ABCA4: variants seen among roughly 807,000 people sequenced by gnomAD.
ABCA4 encodes the protein retinal-specific phospholipid-transporting ATPase ABCA4.
A neutral mutation model predicts 263.7 loss-of-function variants in ABCA4; 196 were observed. That is an observed-to-expected ratio of 0.74 (90% CI 0.66 to 0.84). The LOEUF is 0.84. ABCA4 is among the 40% of genes least tolerant of loss of function. ABCA4 has a pLI of 0.00. For synonymous variants in ABCA4, 1,133 were observed against 1,094.2 expected (o/e 1.04, Z -0.70); for missense variants, 2,792 against 2,855.1 (o/e 0.98, Z 0.50).
At position 94,080,671 on chromosome 1, in the gene ABCA4, G is replaced by A. The variant is rs952043060; in HGVS notation, c.906C>T (p.Pro302=). The A allele has an allele frequency of 6.8e-6, 11 of 1,614,160 alleles. No individual in the cohort carries two copies. Among genetic ancestry groups the A allele is most frequent in the African/African-American group, 1.3e-5 (1 of 75,028 alleles). Residue 302 remains proline, a synonymous_variant, in exon 8 of 50, where the codon CCC becomes CCT. Transcript: ENST00000370225. ...TCTCTGGACCACCATTCTGCATGAG[G>A]GGCCTGGTCACCCACAGCAAGTCCT... ...SMQDLLWVTR[P]LMQNGGPETF... is the part of the protein sequence containing the mutation.
intron 4 of ABCA4, 120 bp downstream of exon 4, chr1:94,108,457 C>A: frequency 6.9e-7 from 1 of 1,442,342 alleles, no homozygotes; most frequent in African/African-American, 1.4e-5. Flanking sequence ...CGCCTCCAGA[C>A]CCCATCCCTT....
At chr1:94,011,194 G>T in intron 39 of ABCA4, 68 bp downstream of exon 39, 5 of 1,611,018 alleles carry the variant, frequency 3.1e-6, no homozygotes, top group Non-Finnish European at 4.2e-6. Flanking sequence ...TGATGCAGGA[G>T]CCCCCCCGGT....
intron 16 of ABCA4, among the ~76,000 whole-genome samples, chr1:94,053,408 C>A (rs1570384322): frequency 6.6e-6 from 1 of 152,292 alleles, no homozygotes; most frequent in South Asian, 2.1e-4. Flanking sequence ...CAACAAAAAA[C>A]CAAAACACAC....
rs61752423 is a variant in ABCA4 at position 94,037,204 on chromosome 1, C to G, written c.3754G>C (p.Glu1252Gln). 1.2e-6 allele frequency: 2 copies of G among 1,614,106 alleles called. No individual in the cohort carries two copies. Among genetic ancestry groups the G allele is most frequent in the African/African-American group, 2.7e-5 (2 of 74,936 alleles). ...AYASLFRELE[E>Q]TLADLGLSSF... ...CTGAGACCAAGGTCAGCCAGCGTCT[C>G]CTCCAGCTCTCTGAAAAGGCTGGCA... The change falls in exon 25 of 50, where the codon GAG (glutamate) becomes CAG (glutamine). Residue 1252 changes from glutamate to glutamine, a missense_variant. Glu to Gln is a conservative substitution (Grantham distance 29). Coordinates refer to ENST00000370225, the MANE Select transcript of ABCA4 (RefSeq NM_000350.3).
intron 11 of ABCA4, among the ~76,000 whole-genome samples, chr1:94,063,908 A>G (rs1368401112): frequency 6.6e-6 from 1 of 151,414 alleles, no homozygotes; most frequent in African/African-American, 2.4e-5. Flanking sequence ...GAATTTCTAT[A>G]ATATGCCTCT....
intron 48 of ABCA4, among the ~76,000 whole-genome samples, chr1:93,996,569 G>C (rs140112033): frequency 1.3e-5 from 2 of 152,276 alleles, no homozygotes; most frequent in African/African-American, 4.8e-5. Flanking sequence ...GCTCCTGCTC[G>C]TGCCTCCCTC....
intron 14 of ABCA4, 94 bp downstream of exon 14, chr1:94,060,443 G>A (rs1661089382): frequency 8.4e-7 from 1 of 1,189,440 alleles, no homozygotes; most frequent in South Asian, 1.2e-5. Context: ...GCTCTCCTTG[G>A]TGGCCACATG....
At position 94,023,339 on chromosome 1, in the gene ABCA4, C is replaced by T. The variant is rs55984244; in HGVS notation, c.4667+47G>A. Reference sequence around the variant, plus strand: ...TTTTAAAAGTGTGCAATTATTTCAACAATGAATCAATCTGAGATTTTAATT... The same window carrying T: ...TTTTAAAAGTGTGCAATTATTTCAATAATGAATCAATCTGAGATTTTAATT... On this transcript the variant is annotated intron_variant, in intron 32 of 49. Transcript: ENST00000370225. The T allele has an allele frequency of 2.2e-4, 335 of 1,494,550 alleles. 1 individual carries two copies. The highest frequency in any genetic ancestry group is 1.7e-3 in the Middle Eastern group (10 of 5,874). The allele number at this position is 1,494,550 out of a possible 1,614,324, so 92.6% of individuals were successfully genotyped here.
chr1:94,031,958 G>A lies in ABCA4; in HGVS notation c.3948C>T (p.Asp1316=). Residue 1316 remains aspartate (D), a synonymous_variant, in exon 27 of 50, where the codon GAC becomes GAT. Coordinates refer to ENST00000370225, the MANE Select transcript of ABCA4 (RefSeq NM_000350.3). ...GCGCCCCTGGGGAGCAGACATTGGA[G>A]TCCTGGGGTGTCTGTCCAGCCTTCT... is the stretch of plus-strand genomic sequence containing the variant. ...PREKAGQTPQ[D]SNVCSPGAPA... 3.7e-6 allele frequency: 6 copies of A among 1,614,108 alleles called. No homozygotes were observed. Among genetic ancestry groups the A allele is most frequent in the Non-Finnish European group, 5.1e-6 (6 of 1,180,016 alleles).
At position 94,063,163 on chromosome 1, in the gene ABCA4, T is replaced by C; in HGVS notation, c.1709A>G (p.Lys570Arg). 6.2e-7 allele frequency: 1 copy of C among 1,614,156 alleles called. No individual in the cohort carries two copies. Reference sequence around the variant, plus strand: ...CACCACGTCTATGTCCATTCGGATCTTATACTTCACGTGGGGTGGTAGAGA... The same window carrying C: ...CACCACGTCTATGTCCATTCGGATCCTATACTTCACGTGGGGTGGTAGAGA... ...TSSLPPHVKYKIRMDIDVVEK... is the reference protein window; with the variant it reads ...TSSLPPHVKYRIRMDIDVVEK... The change falls in exon 12 of 50, where the codon AAG becomes AGG. Residue 570 changes from lysine to arginine, a missense_variant. Physicochemically the swap from Lys to Arg is conservative, Grantham distance 26. Coordinates refer to ENST00000370225, the MANE Select transcript of ABCA4 (RefSeq NM_000350.3).
chr1:94,048,725 G>T, intron 18 of ABCA4, 143 bp downstream of exon 18: 1 of 781,540 alleles, frequency 1.3e-6, no homozygotes, highest in Non-Finnish European at 2.2e-6. Flanking sequence ...TCTGAGAAGG[G>T]ATCTGGTTTA....
At chr1:93,998,628 C>T (rs1638412857) in intron 47 of ABCA4, among the ~76,000 whole-genome samples, 1 of 152,056 alleles carries the variant, frequency 6.6e-6, no homozygotes, top group Non-Finnish European at 1.5e-5. Context: ...CATTTGATAC[C>T]AGTTTTTAGA....
intron 43 of ABCA4, among the ~76,000 whole-genome samples, chr1:94,006,964 A>G (rs3789379): frequency 0.19 from 28,855 of 152,282 alleles, 2,855 homozygotes; most frequent in African/African-American, 0.24. Context: ...TGTCCTGCCC[A>G]TAGGGGACCA....
chr1:94,044,812 C>A, intron 19 of ABCA4, 68 bp from the exon 20 acceptor site: 1 of 1,610,030 alleles, frequency 6.2e-7, no homozygotes, highest in African/African-American at 1.3e-5. Context: ...GGGCCACCCC[C>A]ACACCAGGTT....
intron 38 of ABCA4, among the ~76,000 whole-genome samples, chr1:94,013,696 A>G (rs1438184261): frequency 6.6e-6 from 1 of 152,152 alleles, no homozygotes; most frequent in Non-Finnish European, 1.5e-5. Flanking sequence ...GTCTCTGGAC[A>G]GGGGGAGGTC....
chr1:94,010,056 TCCTTGGAA>T (rs1390011473), intron 40 of ABCA4, among the ~76,000 whole-genome samples: 1 of 152,054 alleles, frequency 6.6e-6, no homozygotes, highest in Admixed American at 6.5e-5. Context: ...TAAAACCAAG[TCCTTGGAA>T]TCTATTTACA....
intron 11 of ABCA4, among the ~76,000 whole-genome samples, chr1:94,065,494 C>G (rs755914798): frequency 4.6e-5 from 7 of 152,182 alleles, no homozygotes; most frequent in Non-Finnish European, 1.0e-4. Context: ...CCTCTCACTC[C>G]CGAGTCCCAC....
At chr1:94,033,614 TG>T (rs2101039288) in intron 26 of ABCA4, among the ~76,000 whole-genome samples, 1 of 152,304 alleles carries the variant, frequency 6.6e-6, no homozygotes, top group East Asian at 1.9e-4. Flanking sequence ...CCTAGAGGAC[TG>T]TTGGTTGGTC....
In ABCA4 at chr1:94,056,828, A is replaced by AC. The variant is rs767800575; in HGVS notation, c.2161-7dup. ...TAATGTAGGATTCTTCCATGCTGAAACCAAGAGGCCATGCGTCAGTAACTC... is the reference window on the plus strand; with the variant it reads ...TAATGTAGGATTCTTCCATGCTGAAACCCAAGAGGCCATGCGTCAGTAACTC... On this transcript the variant is annotated splice_polypyrimidine_tract_variant and splice_region_variant and intron_variant, in intron 14 of 49. Transcript: ENST00000370225. The AC allele has an allele frequency of 2.5e-6, 4 of 1,591,284 alleles. No individual in the cohort carries two copies. In the African/African-American group the frequency reaches 5.4e-5, roughly 21 times the overall value.
Sources: allele counts gnomAD v4.1 joint callset (sites outside exome capture counted in the v4.1 genomes callset), GRCh38; gene constraint gnomAD v4.1.1; transcripts MANE v1.5; gene names NCBI Gene and HGNC (gene_info 2026-07-23, HGNC 2026-07-21).